The following AXDND1 variants were observed in gnomAD, a reference collection of about 807,000 sequenced individuals.
The protein encoded by AXDND1 is axonemal dynein light chain domain containing 1, also known as axonemal dynein light chain domain-containing protein 1.
In AXDND1, 110 loss-of-function variants were observed where a neutral mutation model predicts 137.5. That is an observed-to-expected ratio of 0.80 (90% CI 0.69 to 0.94). The LOEUF (loss-of-function observed/expected upper bound fraction) is 0.94, where lower values mean the gene tolerates loss of function less well. AXDND1 is among the 40% of genes least tolerant of loss of function. The probability of loss-of-function intolerance (pLI) is 0.00; values close to 1 mark genes in which losing one functional copy is unlikely to be tolerated. For missense variants in AXDND1, 1,191 were observed against 1,169.8 expected (o/e 1.02, Z -0.26); for synonymous variants, 414 against 399.7 (o/e 1.04, Z -0.43).
chr1:179,459,535 T>C (rs536879874), intron 16 of AXDND1, among the ~76,000 whole-genome samples: 19 of 152,228 alleles, frequency 1.2e-4, no homozygotes, highest in African/African-American at 4.6e-4. Context: ...GAGTAAGATC[T>C]TTTTATTCTC....
Position 179,366,455 on chromosome 1 carries a change from T to C in AXDND1, c.-55T>C. 6.9e-7 allele frequency: 1 copy of C among 1,443,984 alleles called. No individual in the cohort carries two copies. Among genetic ancestry groups the C allele is most frequent in the Non-Finnish European group, 9.7e-7 (1 of 1,028,100 alleles). 89.4% of individuals were successfully genotyped at this position (1,443,984 alleles called of 1,614,324 possible). Reference sequence around the variant, plus strand: ...GTGCGGCGCTGATTTGTGTCTAAATTAGCTTTCCGGAGGACTATTTCAAAT... The same window carrying C: ...GTGCGGCGCTGATTTGTGTCTAAATCAGCTTTCCGGAGGACTATTTCAAAT... On this transcript the variant is annotated 5_prime_UTR_variant, in exon 2 of 26. Coordinates refer to ENST00000367618, the MANE Select transcript of AXDND1 (RefSeq NM_144696.6).
At chr1:179,510,675 A>G (rs1465699113) in intron 21 of AXDND1, among the ~76,000 whole-genome samples, 2 of 152,200 alleles carry the variant, frequency 1.3e-5, no homozygotes, top group Non-Finnish European at 2.9e-5. Flanking sequence ...ACTGTACAGA[A>G]TCAGAGACGT....
intron 20 of AXDND1, among the ~76,000 whole-genome samples, chr1:179,500,009 T>C (rs1383333907): frequency 1.3e-5 from 2 of 152,080 alleles, no homozygotes; most frequent in African/African-American, 2.4e-5. Context: ...AAATAAATAA[T>C]TCTGTTCTTA....
chr1:179,507,446 T>C (rs1668642251), intron 20 of AXDND1, among the ~76,000 whole-genome samples: 1 of 152,202 alleles, frequency 6.6e-6, no homozygotes, highest in Non-Finnish European at 1.5e-5. Context: ...AGACTAGTTT[T>C]GAAATTTTTT....
chr1:179,502,562 TAAAAAAAAAAAAA>T (rs35740934), intron 20 of AXDND1, among the ~76,000 whole-genome samples: 7 of 81,084 alleles, frequency 8.6e-5, no homozygotes, highest in Non-Finnish European at 1.6e-4. Flanking sequence ...AAACTCTGTC[TAAAAAAAAAAAAA>T]AAAAAAAAAA....
chr1:179,449,902 G>GT (rs1420398112), intron 16 of AXDND1: 1 of 147,726 alleles, frequency 6.8e-6, no homozygotes, highest in African/African-American at 2.5e-5. Flanking sequence ...ATAGTTTCTG[G>GT]TTTTTTAGTG....
At chr1:179,509,435 T>A in intron 21 of AXDND1, 32 bp downstream of exon 21, 1 of 1,348,252 alleles carries the variant, frequency 7.4e-7, no homozygotes, top group Non-Finnish European at 1.1e-6. Flanking sequence ...TGGTCATTAT[T>A]CAGATTATTC....
intron 15 of AXDND1, among the ~76,000 whole-genome samples, chr1:179,435,949 G>T (rs4652384): frequency 0.23 from 34,424 of 151,842 alleles, 3,959 homozygotes; most frequent in Non-Finnish European, 0.25. Flanking sequence ...TCTGACAGAG[G>T]TCTAATATCC....
chr1:179,379,610 A>T, intron 6 of AXDND1, 128 bp downstream of exon 6: 1 of 1,195,998 alleles, frequency 8.4e-7, no homozygotes. Flanking sequence ...CCTGGTCAAC[A>T]TGGTGAAAGT....
intron 14 of AXDND1, among the ~76,000 whole-genome samples, chr1:179,431,777 A>C (rs1356762531): frequency 1.3e-5 from 2 of 152,114 alleles, no homozygotes; most frequent in Middle Eastern, 3.2e-3. Context: ...GGAGGTGTGC[A>C]CGGGTGGCCA....
chr1:179,396,894 T>C (rs1271908300), intron 11 of AXDND1, among the ~76,000 whole-genome samples: 1 of 152,154 alleles, frequency 6.6e-6, no homozygotes, highest in East Asian at 1.9e-4. Context: ...GTGAGATGAG[T>C]CTCTTGAAGA....
At chr1:179,491,426 A>G in intron 18 of AXDND1, 112 bp from the exon 19 acceptor site, 1 of 705,462 alleles carries the variant, frequency 1.4e-6, no homozygotes, top group South Asian at 1.9e-5. Context: ...TAAGAATTAT[A>G]ATGTTGAAAG....
Position 179,534,960 on chromosome 1 carries a change from A to G in AXDND1, c.3029A>G (p.Lys1010Arg), listed in dbSNP as rs1326558502. Reference protein sequence around the residue: ...SAENSSKSPKKGH With the variant: ...SAENSSKSPKRGH ...GAAAATTCCTCAAAATCTCCAAAGA[A>G]AGGTAAGGATTGCTTCGTATTTTGC... Residue 1010 changes from lysine to arginine, a missense_variant and splice_region_variant, in exon 25 of 26, where the codon AAA becomes AGA. By Grantham distance (26) the Lys-to-Arg change is conservative (BLOSUM62 2). Coordinates refer to ENST00000367618, the MANE Select transcript of AXDND1 (RefSeq NM_144696.6). 1 of 1,605,134 alleles carries G rather than the reference A, an allele frequency of 6.2e-7. No individual in the cohort carries two copies. Among genetic ancestry groups the G allele is most frequent in the Non-Finnish European group, 8.5e-7 (1 of 1,177,712 alleles).
At chr1:179,450,703 G>A (rs1558196287) in intron 16 of AXDND1, 1 of 152,516 alleles carries the variant, frequency 6.6e-6, no homozygotes, top group Non-Finnish European at 1.5e-5. Flanking sequence ...GATGGGTCAT[G>A]CCTGTAATCT....
At position 179,468,567 on chromosome 1, in the gene AXDND1, A is replaced by G. The variant is rs766393716; in HGVS notation, c.1923A>G (p.Glu641=). 6.2e-7 allele frequency: 1 copy of G among 1,613,050 alleles called. No individual in the cohort carries two copies. The highest frequency in any genetic ancestry group is 1.7e-5 in the Admixed American group (1 of 60,022). Residue 641 remains glutamate, a synonymous_variant, in exon 17 of 26, where the codon GAA becomes GAG. Transcript: ENST00000367618. ...AGGAAATAGATGAAAAAATTAATGA[A>G]ATGAAATCACACTTGGATATATTGT... The part of the protein sequence containing the change: ...EWQEIDEKIN[E]MKSHLDILLN...
intron 4 of AXDND1, among the ~76,000 whole-genome samples, chr1:179,377,491 AAG>A (rs1286196219): frequency 6.6e-6 from 1 of 152,190 alleles, no homozygotes; most frequent in African/African-American, 2.4e-5. Context: ...GAAGTCTTAA[AAG>A]AGTCAATGAC....
chr1:179,485,980 A>C (rs913823928), intron 18 of AXDND1, among the ~76,000 whole-genome samples: 24 of 151,966 alleles, frequency 1.6e-4, no homozygotes, highest in Non-Finnish European at 3.1e-4. Context: ...TTAGCTAGGC[A>C]TGGTGGTGGG....
At chr1:179,422,557 T>C (rs1327200581) in intron 12 of AXDND1, among the ~76,000 whole-genome samples, 1 of 152,214 alleles carries the variant, frequency 6.6e-6, no homozygotes, top group Non-Finnish European at 1.5e-5. Context: ...GCCTAAGATA[T>C]GGTATATTCT....
chr1:179,390,608 T>G (rs1206395162), intron 9 of AXDND1, among the ~76,000 whole-genome samples: 1 of 152,206 alleles, frequency 6.6e-6, no homozygotes, highest in Admixed American at 6.5e-5. Flanking sequence ...CTCAAAGAAT[T>G]TATATCTAGA....
Sources: gnomAD v4.1 joint callset for allele counts (sites outside exome capture counted in the v4.1 genomes callset) on GRCh38, gnomAD v4.1.1 for gene constraint, MANE v1.5 for transcripts, NCBI Gene and HGNC (gene_info 2026-07-23, HGNC 2026-07-21) for gene names.